The following TRA2B variants were observed in gnomAD, a reference collection of about 807,000 sequenced individuals.
TRA2B encodes the protein transformer 2 beta homolog.
In TRA2B, 14 loss-of-function variants were observed where a neutral mutation model predicts 41.7. That is an observed-to-expected ratio of 0.34 (90% CI 0.22 to 0.53). The LOEUF is 0.53. TRA2B is among the 20% of genes least tolerant of loss of function. TRA2B has a pLI of 0.95. For missense variants in TRA2B, 167 were observed against 396.8 expected, an observed-to-expected ratio of 0.42 and a Z score of 4.92; for synonymous variants, 130 against 128.8, an observed-to-expected ratio of 1.01 and a Z score of -0.06.
At chr3:185,925,207 T>C (rs746416256) in intron 3 of TRA2B, 5 of 361,034 alleles carry the variant, frequency 1.4e-5, no homozygotes, top group Admixed American at 4.3e-5. Context: ...AGTATAGTAA[T>C]GCAGTCGGAA....
rs1211158557 is a variant in TRA2B at position 185,915,014 on chromosome 3, T to C, written c.*2701A>G. On this transcript the variant is annotated 3_prime_UTR_variant, in exon 9 of 9. Transcript: ENST00000453386. ...AACATTGCAGACCTTGAGCATTCTC[T>C]AACATGTAGTTAGATTTCCATAAGG... Among the ~76,000 whole-genome samples the C allele has an allele frequency of 1.3e-5, 2 of 152,188 alleles. No individual in the cohort carries two copies. The highest frequency in any genetic ancestry group is 4.8e-5 in the African/African-American group (2 of 41,444).
chr3:185,930,712 G>A (rs1464968013), intron 1 of TRA2B, among the ~76,000 whole-genome samples: 1 of 152,180 alleles, frequency 6.6e-6, no homozygotes, highest in Non-Finnish European at 1.5e-5. Context: ...AGAAGGGACA[G>A]CTTTTGGGTT....
intron 1 of TRA2B, chr3:185,934,974 A>AT: frequency 2.0e-6 from 2 of 985,434 alleles, no homozygotes; most frequent in Non-Finnish European, 2.4e-6. Context: ...TTCCTTTAGT[A>AT]AAGACTCACT....
chr3:185,919,782 TAG>T (rs779201169), intron 6 of TRA2B, among the ~76,000 whole-genome samples: 6 of 151,540 alleles, frequency 4.0e-5, no homozygotes, highest in South Asian at 2.1e-4. Flanking sequence ...TACCATTCAA[TAG>T]AGTGATGCTT....
chr3:185,936,430 T>C, intron 1 of TRA2B: 1 of 985,388 alleles, frequency 1.0e-6, no homozygotes, highest in Non-Finnish European at 1.2e-6. Flanking sequence ...CTAAAAACTC[T>C]ATGCTCATCC....
chr3:185,935,802 AACACAAAC>A, intron 1 of TRA2B: 2 of 985,446 alleles, frequency 2.0e-6, no homozygotes, highest in South Asian at 4.7e-5. Context: ...TTCCAATTGG[AACACAAAC>A]ACGCAAACAC....
chr3:185,930,493 A>C (rs1211395496), intron 1 of TRA2B, among the ~76,000 whole-genome samples: 1 of 152,166 alleles, frequency 6.6e-6, no homozygotes, highest in African/African-American at 2.4e-5. Flanking sequence ...TTTCTCCAAG[A>C]GCATGAAGAC....
intron 1 of TRA2B, among the ~76,000 whole-genome samples, chr3:185,932,219 CATT>C (rs1744177913): frequency 1.3e-5 from 2 of 152,120 alleles, no homozygotes; most frequent in South Asian, 4.1e-4. Context: ...AAAAGTGACA[CATT>C]AATACATAAG....
intron 5 of TRA2B, 89 bp from the exon 6 acceptor site, chr3:185,921,276 A>T: frequency 9.1e-7 from 1 of 1,101,416 alleles, no homozygotes; most frequent in Non-Finnish European, 1.4e-6. Context: ...TGACACATTA[A>T]CTGGAAAATG....
intron 6 of TRA2B, among the ~76,000 whole-genome samples, chr3:185,920,662 C>A (rs1178398775): frequency 6.6e-6 from 1 of 151,888 alleles, no homozygotes; most frequent in African/African-American, 2.4e-5. Flanking sequence ...TCAAGCAATT[C>A]ACCTGCCAGT....
chr3:185,931,660 C>A, intron 1 of TRA2B: 1 of 1,280,856 alleles, frequency 7.8e-7, no homozygotes, highest in South Asian at 2.6e-5. Context: ...GTTTCAAATT[C>A]TGACTTCTTT....
At chr3:185,920,584 T>C (rs925912620) in intron 6 of TRA2B, among the ~76,000 whole-genome samples, 2 of 152,140 alleles carry the variant, frequency 1.3e-5, no homozygotes, top group Admixed American at 6.5e-5. Context: ...TTTGAGTCTC[T>C]CGCTCTGTTG....
At chr3:185,931,460 T>G (rs1249662679) in intron 1 of TRA2B, 2 of 733,322 alleles carry the variant, frequency 2.7e-6, no homozygotes, top group African/African-American at 3.8e-5. Flanking sequence ...ATTACCTAAT[T>G]TAAACGTTTC....
chr3:185,922,202 C>T (rs1743768730), intron 4 of TRA2B, 76 bp from the exon 5 acceptor site: 5 of 1,029,736 alleles, frequency 4.9e-6, no homozygotes, highest in South Asian at 1.5e-5. Flanking sequence ...AGTAAGATCC[C>T]ACTGGACATT....
Position 185,922,120 on chromosome 3 carries a change from CT to C in TRA2B, c.528del (p.Glu177AsnfsTer19). On this transcript the variant is annotated frameshift_variant, in exon 5 of 9. Transcript: ENST00000453386. LOFTEE classifies it high-confidence loss of function. ...FENVDDAKEA[K>X]ERANGMELDG... is the part of the protein sequence containing the mutation. ...TCAAGCTCCATTCCATTGGCACGTT[CT>C]TTAGCCTTCAAAAGGTAAATAAATT... The C allele has an allele frequency of 6.2e-7, 1 of 1,611,972 alleles. No homozygotes were observed. The highest frequency in any genetic ancestry group is 8.5e-7 in the Non-Finnish European group (1 of 1,178,914).
chr3:185,935,800 G>C, intron 1 of TRA2B: 1 of 985,198 alleles, frequency 1.0e-6, no homozygotes, highest in Non-Finnish European at 1.2e-6. Flanking sequence ...GGTTCCAATT[G>C]GAACACAAAC....
intron 1 of TRA2B, chr3:185,931,815 A>T: frequency 6.6e-7 from 1 of 1,511,132 alleles, no homozygotes; most frequent in Non-Finnish European, 8.8e-7. Context: ...AAAACTTGTC[A>T]AATGACGACT....
chr3:185,929,577 T>C (rs1350699591), intron 1 of TRA2B, among the ~76,000 whole-genome samples: 1 of 152,104 alleles, frequency 6.6e-6, no homozygotes, highest in Non-Finnish European at 1.5e-5. Flanking sequence ...CACATCCTAA[T>C]ACAAAACCTA....
chr3:185,928,273 A>C (rs541468330), intron 1 of TRA2B: 42 of 152,288 alleles, frequency 2.8e-4, no homozygotes, highest in African/African-American at 9.1e-4. Context: ...CATCCAGTAA[A>C]ATGAGTTCAG....
Sources: allele counts gnomAD v4.1 joint callset (sites outside exome capture counted in the v4.1 genomes callset), GRCh38; gene constraint gnomAD v4.1.1; transcripts MANE v1.5; gene names NCBI Gene and HGNC (gene_info 2026-07-23, HGNC 2026-07-21).